Variants in CENPT observed in about 807,000 individuals in gnomAD.
CENPT encodes centromere protein T.
In CENPT, 42 loss-of-function variants were observed where a neutral mutation model predicts 59.7. That is an observed-to-expected ratio of 0.70 (90% CI 0.55 to 0.91). CENPT has a LOEUF of 0.91. Ranked by LOEUF, CENPT falls within the 40% of genes least tolerant of loss-of-function variation. The probability of loss-of-function intolerance (pLI) is 0.00; values close to 1 mark genes in which losing one functional copy is unlikely to be tolerated. For missense variants in CENPT, 716 were observed against 713.4 expected (o/e 1.00, Z -0.04); for synonymous variants, 295 against 289.6 (o/e 1.02, Z -0.19).
chr16:67,844,665 G>A (rs546768350), intron 1 of CENPT, among the ~76,000 whole-genome samples: 1 of 152,342 alleles, frequency 6.6e-6, no homozygotes, highest in Non-Finnish European at 1.5e-5. Context: ...CACAAGGACT[G>A]TTGTATAGAT....
intron 1 of CENPT, among the ~76,000 whole-genome samples, chr16:67,837,622 C>T (rs908612573): frequency 6.6e-6 from 1 of 152,014 alleles, no homozygotes; most frequent in Non-Finnish European, 1.5e-5. Context: ...TCAGGAGAAT[C>T]GCTTGAACTT....
At position 67,843,331 on chromosome 16, in the gene CENPT, C is replaced by G. The variant is rs2151289881; in HGVS notation, c.-492+4070G>C. On this transcript the variant is annotated intron_variant, in intron 1 of 15. Coordinates refer to ENST00000562787, the MANE Select transcript of CENPT (RefSeq NM_025082.4). The surrounding 1 kb of genome is among the most constrained non-coding windows in gnomAD (Gnocchi z 5.7). ...GCACCACGGAGGAGGAGCTCCTGCG[C>G]AAGCTGAATGAGCAGCGGGACATCC... The G allele has an allele frequency of 1.9e-6, 3 of 1,613,936 alleles. No homozygotes were observed. Among genetic ancestry groups the G allele is most frequent in the Non-Finnish European group, 2.5e-6 (3 of 1,180,042 alleles).
chr16:67,834,573 C>T (rs769162081), intron 3 of CENPT, among the ~76,000 whole-genome samples: 2 of 151,946 alleles, frequency 1.3e-5, no homozygotes, highest in Admixed American at 6.6e-5. Context: ...GAGTCGTGAT[C>T]GCACTCCAGC....
rs1427611805 is a variant in CENPT, at chr16:67,830,444, C to T, written c.808G>A (p.Glu270Lys). 6.2e-7 allele frequency: 1 copy of T among 1,614,160 alleles called. No individual in the cohort carries two copies. The highest frequency in any genetic ancestry group is 8.5e-7 in the Non-Finnish European group (1 of 1,180,002). ...TGTGTCTTGCGACCGGCAGCCTGCT[C>T]AGCGTCTTCAGCCCCAGTGTGAGGC... ...CTPHTGAEDA[E>K]QAAGRKTQSS... Residue 270 changes from glutamate to lysine, a missense_variant, in exon 11 of 16, where the codon GAG (glutamate) becomes AAG (lysine). Glu to Lys is a moderately conservative substitution (Grantham distance 56). Transcript: ENST00000562787.
intron 1 of CENPT, among the ~76,000 whole-genome samples, chr16:67,846,429 T>C (rs1322096468): frequency 5.9e-5 from 9 of 152,228 alleles, no homozygotes; most frequent in Non-Finnish European, 1.3e-4. Context: ...AATGTTGGGA[T>C]TGCAGGAGCT....
rs1019092129 is a variant in CENPT at position 67,842,178 on chromosome 16, G to A, written c.-492+5223C>T. On this transcript the variant is annotated intron_variant, in intron 1 of 15. Coordinates refer to ENST00000562787, the MANE Select transcript of CENPT (RefSeq NM_025082.4). This position sits in a 1 kb window ranked among gnomAD's most constrained non-coding sequence, Gnocchi z 4.9. ...CCGGGGACAAGACGGGCTGGGGAAA[G>A]AATCTGCTCTTCGGAGGCTATCGCA... 1 of 152,534 alleles carries A rather than the reference G, an allele frequency of 6.6e-6. No homozygotes were observed. Among genetic ancestry groups the A allele is most frequent in the Non-Finnish European group, 1.5e-5 (1 of 68,262 alleles). 9.4% of individuals were successfully genotyped at this position (152,534 alleles called of 1,614,324 possible). A position where few individuals can be genotyped will look rare whatever the true frequency, so the allele number is the denominator to read the frequency against.
rs2057718967 is a variant in CENPT, at chr16:67,833,952, A to G, written c.-93T>C. On this transcript the variant is annotated 5_prime_UTR_variant, in exon 4 of 16. Transcript: ENST00000562787. ...AATGTAACTCTCGCGATGCTCCCGCACAGCCCCACGGGAATTGTAGTTCTC... is the reference window on the plus strand; with the variant it reads ...AATGTAACTCTCGCGATGCTCCCGCGCAGCCCCACGGGAATTGTAGTTCTC... 3 of 787,746 alleles carry G rather than the reference A, an allele frequency of 3.8e-6. No homozygotes were observed. The East Asian group carries it at 1.0e-4, about 26-fold the overall frequency. The allele number at this position is 787,746 out of a possible 1,614,324, so 48.8% of individuals were successfully genotyped here. A position where few individuals can be genotyped will look rare whatever the true frequency, so the allele number is the denominator to read the frequency against.
In CENPT at chr16:67,830,088, C is replaced by G. The variant is rs763081481; in HGVS notation, c.863G>C (p.Ser288Thr). 1 of 1,613,944 alleles carries G rather than the reference C, an allele frequency of 6.2e-7. No individual in the cohort carries two copies. Among genetic ancestry groups the G allele is most frequent in the South Asian group, 1.1e-5 (1 of 91,080 alleles). Reference protein sequence around the residue: ...QSSGPGLQKNSPGKPAQFLAG... With the variant: ...QSSGPGLQKNTPGKPAQFLAG... The stretch of plus-strand genomic sequence containing the variant: ...CAGAAACTGGGCTGGTTTCCCAGGG[C>G]CTGAGTGAAGGGGAGAGAATACAGG... The change falls in exon 12 of 16, where the codon AGC (serine) becomes ACC (threonine). Residue 288 changes from serine (S) to threonine (T), a missense_variant and splice_region_variant. By Grantham distance (58) the Ser-to-Thr change is moderately conservative. Coordinates refer to ENST00000562787, the MANE Select transcript of CENPT (RefSeq NM_025082.4).
rs769435710 is a variant in CENPT, at chr16:67,829,536, G to A, written c.1187-20C>T. On this transcript the variant is annotated intron_variant, in intron 12 of 15. Coordinates refer to ENST00000562787, the MANE Select transcript of CENPT (RefSeq NM_025082.4). Reference sequence around the variant, plus strand: ...GACTTGCTACAAAGAAGAAGGGTGGGGTCACAGGGATTCCAGGCCTGACCA... The same window carrying A: ...GACTTGCTACAAAGAAGAAGGGTGGAGTCACAGGGATTCCAGGCCTGACCA... 1 of 1,587,352 alleles carries A rather than the reference G, an allele frequency of 6.3e-7. No individual in the cohort carries two copies. Among genetic ancestry groups the A allele is most frequent in the South Asian group, 1.1e-5 (1 of 88,106 alleles).
chr16:67,845,829 T>C (rs986467653), intron 1 of CENPT, among the ~76,000 whole-genome samples: 5 of 152,236 alleles, frequency 3.3e-5, no homozygotes, highest in African/African-American at 1.2e-4. Flanking sequence ...AAGTGTAGTG[T>C]TGACAGACCT....
At chr16:67,831,150 C>T (rs757484557) in intron 10 of CENPT, 66 bp downstream of exon 10, 50 of 1,608,798 alleles carry the variant, frequency 3.1e-5, no homozygotes, top group Non-Finnish European at 4.2e-5. Context: ...GACTCAGCAT[C>T]ACCTCCTATC....
chr16:67,829,370 C>A, intron 13 of CENPT, 53 bp downstream of exon 13: 1 of 1,414,796 alleles, frequency 7.1e-7, no homozygotes, highest in Non-Finnish European at 9.7e-7. Flanking sequence ...ACACAGCATA[C>A]CCAATGCTCC....
rs2057718680 is a variant in CENPT, at chr16:67,833,916, C to T, written c.-57G>A. On this transcript the variant is annotated 5_prime_UTR_variant, in exon 4 of 16. Coordinates refer to ENST00000562787, the MANE Select transcript of CENPT (RefSeq NM_025082.4). ...GCCAGCTGCAGGCTCCGCCTTCCCG[C>T]CGCCACAGTTAATGTAACTCTCGCG... The T allele has an allele frequency of 8.6e-7, 1 of 1,158,194 alleles. No individual in the cohort carries two copies. The highest frequency in any genetic ancestry group is 1.2e-6 in the Non-Finnish European group (1 of 856,258). The allele number at this position is 1,158,194 out of a possible 1,614,324, so 71.7% of individuals were successfully genotyped here.
chr16:67,847,346 C>T (rs995381832), intron 1 of CENPT, 55 bp downstream of exon 1: 2 of 152,454 alleles, frequency 1.3e-5, no homozygotes, highest in Non-Finnish European at 2.9e-5. Flanking sequence ...GCGAGCCCCG[C>T]AAGCTCTGCA....
chr16:67,838,049 G>A (rs1052014082), intron 1 of CENPT, among the ~76,000 whole-genome samples: 2 of 152,184 alleles, frequency 1.3e-5, no homozygotes, highest in Admixed American at 6.5e-5. Flanking sequence ...CTTTCTCCAG[G>A]GGTGATTAAG....
rs1329060120 is a variant in CENPT at position 67,842,406 on chromosome 16, GGCGGGCCGGCTGCGCCGA to G, written c.-492+4977_-492+4994del. 28 of 436,046 alleles carry G rather than the reference GGCGGGCCGGCTGCGCCGA, an allele frequency of 6.4e-5. No homozygotes were observed. Among genetic ancestry groups the G allele is most frequent in the Non-Finnish European group, 6.8e-6 (2 of 293,314 alleles). The allele number at this position is 436,046 out of a possible 1,614,324, so 27.0% of individuals were successfully genotyped here. On this transcript the variant is annotated intron_variant, in intron 1 of 15. Coordinates refer to ENST00000562787, the MANE Select transcript of CENPT (RefSeq NM_025082.4). This position sits in a 1 kb window ranked among gnomAD's most constrained non-coding sequence, Gnocchi z 4.9. ...AGCGTATTCTGGGCACGGGGCGCCG[GGCGGGCCGGCTGCGCCGA>G]GCGGCAGTGGTGGGATACCACCCAA...
At chr16:67,839,181 G>GT (rs2057748364) in intron 1 of CENPT, among the ~76,000 whole-genome samples, 1 of 151,924 alleles carries the variant, frequency 6.6e-6, no homozygotes, top group Non-Finnish European at 1.5e-5. Flanking sequence ...GAGGTCAGGA[G>GT]TTTGCGACCA....
chr16:67,847,158 C>T (rs998197975), intron 1 of CENPT: 1 of 151,854 alleles, frequency 6.6e-6, no homozygotes, highest in Non-Finnish European at 1.5e-5. Context: ...CGCCTCCCGC[C>T]GGTCCTGTGA....
Position 67,828,189 on chromosome 16 carries a change from G to T in CENPT, c.*78C>A, listed in dbSNP as rs954253533. 5.5e-6 allele frequency: 8 copies of T among 1,459,008 alleles called. No individual in the cohort carries two copies. The highest frequency in any genetic ancestry group is 7.4e-6 in the Non-Finnish European group (8 of 1,082,306). 90.4% of individuals were successfully genotyped at this position (1,459,008 alleles called of 1,614,324 possible). Reference sequence around the variant, plus strand: ...TATGACACTTTATTGATGCTGGGGGGGTGGGGAGGAGACCTGGAGAAATAT... The same window carrying T: ...TATGACACTTTATTGATGCTGGGGGTGTGGGGAGGAGACCTGGAGAAATAT... On this transcript the variant is annotated 3_prime_UTR_variant, in exon 16 of 16. Coordinates refer to ENST00000562787, the MANE Select transcript of CENPT (RefSeq NM_025082.4).
Sources: gnomAD v4.1 joint callset for allele counts (sites outside exome capture counted in the v4.1 genomes callset) on GRCh38, gnomAD v4.1.1 for gene constraint, Gnocchi (gnomAD v3.1) non-coding constraint, MANE v1.5 for transcripts, NCBI Gene and HGNC (gene_info 2026-07-23, HGNC 2026-07-21) for gene names.